SPAG4: variants seen among roughly 807,000 people sequenced by gnomAD.
SPAG4 encodes the protein sperm-associated antigen 4 protein.
SPAG4 carries 54 observed loss-of-function variants against 53.9 expected under a neutral mutation model. The observed-to-expected ratio is 1.00, with a 90% confidence interval of 0.80 to 1.26. The LOEUF (loss-of-function observed/expected upper bound fraction) is 1.26, where lower values mean the gene tolerates loss of function less well. Among genes scored for constraint, SPAG4 ranks in the 50% most tolerant of loss-of-function variants. The probability of loss-of-function intolerance (pLI) is 0.00; values close to 1 mark genes in which losing one functional copy is unlikely to be tolerated. For synonymous variants in SPAG4, 246 were observed against 237.4 expected (o/e 1.04, Z -0.33); for missense variants, 548 against 568.6 (o/e 0.96, Z 0.37).
intron 8 of SPAG4, 66 bp from the exon 9 acceptor site, chr20:35,619,115 CGCCCCCAGCCCCCG>C: frequency 9.4e-7 from 1 of 1,058,612 alleles, no homozygotes. Flanking sequence ...AGCCCCCACC[CGCCCCCAGCCCCCG>C]CGCCCCCGCG....
rs773969380 is a variant in SPAG4, at chr20:35,617,808, C to G, written c.506C>G (p.Thr169Arg). 6.2e-7 allele frequency: 1 copy of G among 1,614,064 alleles called. No homozygotes were observed. The highest frequency in any genetic ancestry group is 8.5e-7 in the Non-Finnish European group (1 of 1,179,990). The change falls in exon 4 of 12, where the codon ACG becomes AGG. Residue 169 changes from threonine to arginine, a missense_variant. By Grantham distance (71) the Thr-to-Arg change is moderately conservative (BLOSUM62 -1). Transcript: ENST00000374273. ...REVCSIRFLFTAVSLLSLFLS... is the reference protein window; with the variant it reads ...REVCSIRFLFRAVSLLSLFLS... ...GTCTGTTCCATCCGCTTCCTGTTCA[C>G]GGCTGTGTCGCTGCTGAGCCTCTTT... is the stretch of plus-strand genomic sequence containing the variant.
rs140009475 is a variant in SPAG4, at chr20:35,617,165, G to A, written c.334G>A (p.Glu112Lys). 5.5e-5 allele frequency: 87 copies of A among 1,594,318 alleles called. No individual in the cohort carries two copies. The African/African-American group carries it at 7.0e-4, about 13-fold the overall frequency. The change falls in exon 2 of 12, where the codon GAG becomes AAG. Residue 112 changes from glutamate (E) to lysine (K), a missense_variant. By Grantham distance (56) the Glu-to-Lys change is moderately conservative. Transcript: ENST00000374273. The part of the protein sequence containing the change: ...EPTGSPVVSE[E>K]PLDLLPTLDL... ...GACTGGGTCTCCAGTAGTCTCTGAG[G>A]AGCCGCTCGACCTTCTCCCGACCCT...
rs2031374721 is a variant in SPAG4 at position 35,616,303 on chromosome 20, C to G, written c.300C>G (p.Ala100=). 7 of 1,471,188 alleles carry G rather than the reference C, an allele frequency of 4.8e-6. No individual in the cohort carries two copies. Among genetic ancestry groups the G allele is most frequent in the Non-Finnish European group, 6.3e-6 (7 of 1,115,336 alleles). 91.1% of individuals were successfully genotyped at this position (1,471,188 alleles called of 1,614,324 possible). A position where few individuals can be genotyped will look rare whatever the true frequency, so the allele number is the denominator to read the frequency against. Residue 100 remains alanine, a synonymous_variant, in exon 1 of 12, where the codon GCC becomes GCG. Transcript: ENST00000374273. Reference sequence around the variant, plus strand: ...GCGCGGCAACCGTGAGGGGCGGGGCCTCGGGTGCGGGCGGGGTCGACCCCG... The same window carrying G: ...GCGCGGCAACCGTGAGGGGCGGGGCGTCGGGTGCGGGCGGGGTCGACCCCG... The part of the protein sequence containing the change: ...ACGAATVRGG[A]SEPTGSPVVS...
At chr20:35,617,884 T>C (rs1306937343) in intron 4 of SPAG4, 44 bp downstream of exon 4, 7 of 1,591,460 alleles carry the variant, frequency 4.4e-6, no homozygotes, top group Non-Finnish European at 6.0e-6. Flanking sequence ...CTGGGTGCTT[T>C]GGAGGCAAAC....
intron 9 of SPAG4, 38 bp downstream of exon 9, chr20:35,619,348 G>C (rs1568900299): frequency 6.3e-7 from 1 of 1,580,286 alleles, no homozygotes; most frequent in East Asian, 2.2e-5. Context: ...ACCCCGGGCG[G>C]GACGCTGGGA....
chr20:35,616,168 G>A lies in SPAG4; in HGVS notation c.165G>A (p.Pro55=), dbSNP rs931807803. ...CCGAGGGCAGAAGAGCCCGGGGCCCGAGCTGCGGTGAGCCCGCCTTGAGCG... is the reference window on the plus strand; with the variant it reads ...CCGAGGGCAGAAGAGCCCGGGGCCCAAGCTGCGGTGAGCCCGCCTTGAGCG... ...GEPEGRRARG[P]SCGEPALSAG... The change falls in exon 1 of 12, where the codon CCG becomes CCA. Residue 55 remains proline, a synonymous_variant. Transcript: ENST00000374273. 1.9e-6 allele frequency: 3 copies of A among 1,594,650 alleles called. No homozygotes were observed. Among genetic ancestry groups the A allele is most frequent in the Admixed American group, 1.8e-5 (1 of 56,618 alleles).
chr20:35,620,645 T>TTCC, intron 10 of SPAG4, 39 bp from the exon 11 acceptor site: 1 of 352,738 alleles, frequency 2.8e-6, no homozygotes. Context: ...GCCCCACCTG[T>TTCC]CCCCCTCATA....
rs1396243350 is a variant in SPAG4, at chr20:35,618,935, C to T, written c.730C>T (p.Leu244Phe). Residue 244 changes from leucine (L) to phenylalanine (F), a missense_variant, in exon 8 of 12, where the codon CTC becomes TTC. Transcript: ENST00000374273. ...RAANSERVAK[L>F]VFQRLNEDFV... ...TCCCTCCTTGCAGAGAGTGGCCAAGCTCGTGTTCCAGAGGCTGAATGAGGA... is the reference window on the plus strand; with the variant it reads ...TCCCTCCTTGCAGAGAGTGGCCAAGTTCGTGTTCCAGAGGCTGAATGAGGA... The T allele has an allele frequency of 3.1e-6, 5 of 1,614,200 alleles. No individual in the cohort carries two copies. Among genetic ancestry groups the T allele is most frequent in the Non-Finnish European group, 4.2e-6 (5 of 1,179,988 alleles).
At chr20:35,617,405 GC>G in intron 2 of SPAG4, 114 bp from the exon 3 acceptor site, 1 of 1,056,180 alleles carries the variant, frequency 9.5e-7, no homozygotes, top group Non-Finnish European at 1.4e-6. Context: ...CTCTTCCTGA[GC>G]CCCAGGCCCA....
At position 35,621,082 on chromosome 20, in the gene SPAG4, G is replaced by C; in HGVS notation, c.*60G>C. On this transcript the variant is annotated 3_prime_UTR_variant, in exon 12 of 12. Transcript: ENST00000374273. ...TGAAGGATACTGGATCAGTGCTTTC[G>C]GGGGCTCTGTTGGGAGAGCTCTGGC... 1 of 1,577,876 alleles carries C rather than the reference G, an allele frequency of 6.3e-7. No individual in the cohort carries two copies. The highest frequency in any genetic ancestry group is 8.7e-7 in the Non-Finnish European group (1 of 1,151,120).
chr20:35,616,561 C>G (rs1334174188), intron 1 of SPAG4: 1 of 195,138 alleles, frequency 5.1e-6, no homozygotes, highest in African/African-American at 2.4e-5. Flanking sequence ...GCGTGAGTGG[C>G]TCCCAGGACA....
At position 35,616,177 on chromosome 20, in the gene SPAG4, T is replaced by C; in HGVS notation, c.174T>C (p.Gly58=). 6.3e-7 allele frequency: 1 copy of C among 1,594,044 alleles called. No individual in the cohort carries two copies. The highest frequency in any genetic ancestry group is 1.4e-5 in the African/African-American group (1 of 74,014). The change falls in exon 1 of 12, where the codon GGT becomes GGC. Residue 58 remains glycine (G), a synonymous_variant. Transcript: ENST00000374273. ...GAAGAGCCCGGGGCCCGAGCTGCGG[T>C]GAGCCCGCCTTGAGCGCGGGAGTGC... is the stretch of plus-strand genomic sequence containing the variant. ...EGRRARGPSC[G]EPALSAGVPG...
rs780626860 is a variant in SPAG4 at position 35,617,597 on chromosome 20, G to A, written c.476+11G>A. 8 of 1,609,018 alleles carry A rather than the reference G, an allele frequency of 5.0e-6. No homozygotes were observed. The highest frequency in any genetic ancestry group is 5.9e-6 in the Non-Finnish European group (7 of 1,177,478). ...GGTCAGCATGTACAGGTCAGAGGAA[G>A]GGACGCTGGCGCCCCAGGAACAGCT... On this transcript the variant is annotated intron_variant, in intron 3 of 11. Transcript: ENST00000374273.
chr20:35,617,185 G>C lies in SPAG4; in HGVS notation c.354G>C (p.Pro118=). The C allele has an allele frequency of 1.2e-6, 2 of 1,601,658 alleles. No homozygotes were observed. The highest frequency in any genetic ancestry group is 2.3e-5 in the South Asian group (2 of 88,712). The change falls in exon 2 of 12, where the codon CCG becomes CCC. Residue 118 remains proline (P), a synonymous_variant. Coordinates refer to ENST00000374273, the MANE Select transcript of SPAG4 (RefSeq NM_003116.3). The part of the protein sequence containing the change: ...VVSEEPLDLL[P]TLDLRQEMPP... ...CTGAGGAGCCGCTCGACCTTCTCCCGACCCTGGATCTGAGGCAGGAGATGC... is the reference window on the plus strand; with the variant it reads ...CTGAGGAGCCGCTCGACCTTCTCCCCACCCTGGATCTGAGGCAGGAGATGC...
chr20:35,617,914 A>G, intron 4 of SPAG4, 74 bp downstream of exon 4: 7 of 1,495,496 alleles, frequency 4.7e-6, no homozygotes, highest in Non-Finnish European at 6.5e-6. Context: ...TTTCTCCTAC[A>G]TCCTCGGTCC....
At chr20:35,616,988 G>A in intron 1 of SPAG4, 148 bp from the exon 2 acceptor site, 1 of 615,566 alleles carries the variant, frequency 1.6e-6, no homozygotes, top group Non-Finnish European at 2.9e-6. Flanking sequence ...GGCGGAGCTG[G>A]AGCCGGGATA....
At position 35,620,777 on chromosome 20, in the gene SPAG4, T is replaced by G. The variant is rs930156706; in HGVS notation, c.1167+4T>G. ...GATTCAGACTTTCCACCTGCAGGTG[T>G]GTTTGTCTCTAGGGTGAAGGTGCCA... On this transcript the variant is annotated splice_donor_region_variant and intron_variant, in intron 11 of 11. Transcript: ENST00000374273. 6.2e-7 allele frequency: 1 copy of G among 1,613,644 alleles called. No individual in the cohort carries two copies. Among genetic ancestry groups the G allele is most frequent in the Non-Finnish European group, 8.5e-7 (1 of 1,179,740 alleles).
Position 35,619,727 on chromosome 20 carries a change from C to G in SPAG4, c.1058C>G (p.Pro353Arg). ...VEHTGGANSA[P>R]RDFAVFGLQV... ...CACACCGGAGGAGCCAACAGCGCCC[C>G]CCGCGATTTCGCGGTCTTTGTGAGT... The change falls in exon 10 of 12, where the codon CCC becomes CGC. Residue 353 changes from proline to arginine, a missense_variant. Coordinates refer to ENST00000374273, the MANE Select transcript of SPAG4 (RefSeq NM_003116.3). 6.2e-7 allele frequency: 1 copy of G among 1,610,380 alleles called. No individual in the cohort carries two copies. Among genetic ancestry groups the G allele is most frequent in the Middle Eastern group, 1.7e-4 (1 of 6,054 alleles).
intron 1 of SPAG4, chr20:35,616,529 AG>A (rs997489519): frequency 3.6e-5 from 11 of 307,642 alleles, no homozygotes; most frequent in Admixed American, 7.3e-5. Context: ...GGTGCCACTG[AG>A]GGGGCGCGGC....
Sources: gnomAD v4.1 joint callset for allele counts on GRCh38, gnomAD v4.1.1 for gene constraint, MANE v1.5 for transcripts, NCBI Gene and HGNC (gene_info 2026-07-23, HGNC 2026-07-21) for gene names.